Variants in FCRL4 observed in about 807,000 individuals in gnomAD.
FCRL4 encodes the protein Fc receptor like 4, also known as Fc receptor-like protein 4.
Under a neutral mutation model 64.1 loss-of-function variants are expected in FCRL4, and 43 were observed. That is an observed-to-expected ratio of 0.67 (90% CI 0.53 to 0.87). The LOEUF (loss-of-function observed/expected upper bound fraction) is 0.87. Ranked by LOEUF, FCRL4 falls within the 40% of genes least tolerant of loss-of-function variation. FCRL4 has a pLI of 0.00. For synonymous variants in FCRL4, 253 were observed against 239.8 expected (o/e 1.05, Z -0.51); for missense variants, 656 against 613.5 (o/e 1.07, Z -0.73).
chr1:157,593,525 A>G (rs1341912396), intron 2 of FCRL4, among the ~76,000 whole-genome samples: 1 of 152,138 alleles, frequency 6.6e-6, no homozygotes, highest in African/African-American at 2.4e-5. Context: ...AGGCCCTCTT[A>G]CTTGAGGCCT....
At chr1:157,588,632 C>T (rs984014596) in intron 3 of FCRL4, among the ~76,000 whole-genome samples, 1 of 152,200 alleles carries the variant, frequency 6.6e-6, no homozygotes, top group Admixed American at 6.5e-5. Flanking sequence ...TTGAGGTTAG[C>T]TATATCTCTT....
At position 157,578,576 on chromosome 1, in the gene FCRL4, G is replaced by C. The variant is rs772966020; in HGVS notation, c.1361-34C>G. ...AAAAGACATTTTCAAGGCTGTTCCTGTTAGTATTAAAGTGCTACAGATGCC... is the reference window on the plus strand; with the variant it reads ...AAAAGACATTTTCAAGGCTGTTCCTCTTAGTATTAAAGTGCTACAGATGCC... On this transcript the variant is annotated intron_variant, in intron 9 of 11. Transcript: ENST00000271532. The C allele has an allele frequency of 2.8e-5, 44 of 1,581,908 alleles. No individual in the cohort carries two copies. The Admixed American group carries it at 6.2e-4, about 22-fold the overall frequency.
chr1:157,590,988 G>T (rs967227618), intron 2 of FCRL4, among the ~76,000 whole-genome samples: 2 of 152,190 alleles, frequency 1.3e-5, no homozygotes, highest in African/African-American at 4.8e-5. Context: ...AAGAATTACA[G>T]AGTGGTTCCC....
Position 157,587,325 on chromosome 1 carries a change from C to T in FCRL4, c.798G>A (p.Val266=). 2.5e-6 allele frequency: 4 copies of T among 1,614,246 alleles called. No homozygotes were observed. The highest frequency in any genetic ancestry group is 3.4e-6 in the Non-Finnish European group (4 of 1,180,036). The change falls in exon 5 of 12, where the codon GTG becomes GTA. Residue 266 remains valine, a synonymous_variant. Transcript: ENST00000271532. The stretch of plus-strand genomic sequence containing the variant: ...GACTGTGCTTGTGGATGTTACCCCT[C>T]ACTGTTTCAGCACCACACCAATAGG... ...SGSYWCGAET[V]RGNIHKHSPS...
At position 157,586,506 on chromosome 1, in the gene FCRL4, G is replaced by A. The variant is rs559387057; in HGVS notation, c.848-51C>T. 8.5e-6 allele frequency: 13 copies of A among 1,533,584 alleles called. No individual in the cohort carries two copies. The South Asian group carries it at 1.4e-4, about 17-fold the overall frequency. 95.0% of individuals were successfully genotyped at this position (1,533,584 alleles called of 1,614,324 possible). A position where few individuals can be genotyped will look rare whatever the true frequency, so the allele number is the denominator to read the frequency against. ...GGGGTCGGGTGTGAAGGAGGGCAGG[G>A]CTAGGTAGCTGGGGTGTTGGGCAGG... is the stretch of plus-strand genomic sequence containing the variant. On this transcript the variant is annotated intron_variant, in intron 5 of 11. Transcript: ENST00000271532.
At chr1:157,585,355 T>TC (rs1558155046) in intron 6 of FCRL4, among the ~76,000 whole-genome samples, 22 of 66,902 alleles carry the variant, frequency 3.3e-4, no homozygotes, top group African/African-American at 1.4e-3. Context: ...TCTTTCTTTC[T>TC]TTCTTTCTTT....
rs565065952 is a variant in FCRL4, at chr1:157,588,019, A to G, written c.408T>C (p.Tyr136=). The part of the protein sequence containing the change: ...RRKEKLTAVK[Y]TWNGNILSIS... ...TGGAAAGAATGTTTCCATTCCAAGT[A>G]TATTTCACAGCAGTCAATTTCTCTT... The change falls in exon 4 of 12, where the codon TAT becomes TAC. Residue 136 remains tyrosine, a synonymous_variant. Transcript: ENST00000271532. 3.7e-6 allele frequency: 6 copies of G among 1,613,308 alleles called. 1 individual carries two copies. The South Asian group carries it at 4.4e-5, about 12-fold the overall frequency.
intron 7 of FCRL4, 76 bp downstream of exon 7, chr1:157,581,455 G>T: frequency 4.2e-6 from 5 of 1,190,258 alleles, no homozygotes; most frequent in Non-Finnish European, 6.2e-6. Context: ...TGGCCTGGTG[G>T]CCACTAAGGC....
At chr1:157,585,773 G>T (rs1652676688) in intron 6 of FCRL4, among the ~76,000 whole-genome samples, 1 of 152,124 alleles carries the variant, frequency 6.6e-6, no homozygotes, top group Non-Finnish European at 1.5e-5. Flanking sequence ...CTGCAGGTCT[G>T]ATGTGTGTGG....
intron 6 of FCRL4, among the ~76,000 whole-genome samples, chr1:157,581,998 G>A (rs1652571816): frequency 1.3e-5 from 2 of 152,164 alleles, no homozygotes; most frequent in Admixed American, 6.5e-5. Context: ...CTTAGGAACA[G>A]CAAACTGCCT....
intron 6 of FCRL4, among the ~76,000 whole-genome samples, chr1:157,584,134 T>C (rs1409097412): frequency 1.3e-5 from 2 of 152,184 alleles, no homozygotes; most frequent in African/African-American, 4.8e-5. Flanking sequence ...ATTATAATCT[T>C]TGAACTTCCT....
chr1:157,589,134 G>T, intron 3 of FCRL4, 70 bp downstream of exon 3: 2 of 1,527,104 alleles, frequency 1.3e-6, no homozygotes, highest in Non-Finnish European at 1.8e-6. Context: ...CCCAGTTCGT[G>T]GAATCTCCAG....
chr1:157,575,242 C>G lies in FCRL4; in HGVS notation c.*282G>C. On this transcript the variant is annotated 3_prime_UTR_variant, in exon 12 of 12. Transcript: ENST00000271532. ...CTCTCTTTATCCCCCTTCTCTAAAG[C>G]AGACCCTAGGGAATACATTAGGTCA... 2.3e-6 allele frequency: 1 copy of G among 441,764 alleles called. No homozygotes were observed. 27.4% of individuals were successfully genotyped at this position (441,764 alleles called of 1,614,324 possible).
At chr1:157,590,982 A>T (rs539612323) in intron 2 of FCRL4, among the ~76,000 whole-genome samples, 4 of 152,250 alleles carry the variant, frequency 2.6e-5, no homozygotes, top group Non-Finnish European at 5.9e-5. Flanking sequence ...ACAAGGAAGA[A>T]TTACAGAGTG....
At chr1:157,581,734 G>T (rs889697800) in intron 6 of FCRL4, 90 bp from the exon 7 acceptor site, 6 of 992,464 alleles carry the variant, frequency 6.0e-6, no homozygotes, top group Non-Finnish European at 7.6e-6. Context: ...ACGAGCCCTG[G>T]AAGAGAGAAA....
intron 2 of FCRL4, among the ~76,000 whole-genome samples, chr1:157,596,005 C>G (rs1557794082): frequency 2.0e-5 from 3 of 152,226 alleles, no homozygotes; most frequent in African/African-American, 7.2e-5. Flanking sequence ...CCCTTTTCCT[C>G]TTGGGATGCT....
intron 6 of FCRL4, 94 bp from the exon 7 acceptor site, chr1:157,581,738 A>G (rs1477384736): frequency 5.2e-6 from 5 of 965,466 alleles, no homozygotes; most frequent in East Asian, 2.6e-5. Context: ...GCCCTGGAAG[A>G]GAGAAAAATC....
At chr1:157,582,954 C>A (rs1275543621) in intron 6 of FCRL4, among the ~76,000 whole-genome samples, 1 of 152,202 alleles carries the variant, frequency 6.6e-6, no homozygotes, top group African/African-American at 2.4e-5. Context: ...ATTCTAGACT[C>A]AAAGGGCAGA....
Position 157,578,469 on chromosome 1 carries a change from C to T in FCRL4, c.1429+5G>A, listed in dbSNP as rs761461512. On this transcript the variant is annotated splice_donor_5th_base_variant and intron_variant, in intron 10 of 11. Coordinates refer to ENST00000271532, the MANE Select transcript of FCRL4 (RefSeq NM_031282.3). The stretch of plus-strand genomic sequence containing the variant: ...TGCAGCCAGAATCTCTTCCCAAAGA[C>T]GTACCTTCCTCTTCTTCTCCCAGCT... The T allele has an allele frequency of 2.2e-5, 35 of 1,610,640 alleles. 1 individual carries two copies. The highest frequency in any genetic ancestry group is 1.5e-4 in the South Asian group (14 of 91,010).
Sources: gnomAD v4.1 joint callset for allele counts (sites outside exome capture counted in the v4.1 genomes callset) on GRCh38, gnomAD v4.1.1 for gene constraint, MANE v1.5 for transcripts, NCBI Gene and HGNC (gene_info 2026-07-23, HGNC 2026-07-21) for gene names.